The following CPQ variants were observed in gnomAD, a reference collection of about 807,000 sequenced individuals.
CPQ encodes Ser-Met dipeptidase.
Under a neutral mutation model 45.7 loss-of-function variants are expected in CPQ, and 37 were observed. The ratio of observed to expected loss-of-function variants is 0.81; its 90% CI spans 0.62 to 1.07. The LOEUF (loss-of-function observed/expected upper bound fraction) is 1.07. Among genes scored for constraint, CPQ ranks in the 50% least tolerant of loss-of-function variants. CPQ has a pLI of 0.00. For missense variants in CPQ, 537 were observed against 572.9 expected, an observed-to-expected ratio of 0.94 and a Z score of 0.64; for synonymous variants, 186 against 205.8, an observed-to-expected ratio of 0.90 and a Z score of 0.82.
intron 5 of CPQ, among the ~76,000 whole-genome samples, chr8:96,989,467 G>A (rs112128907): frequency 6.4e-5 from 9 of 141,488 alleles, no homozygotes; most frequent in Non-Finnish European, 9.4e-5. Context: ...GGAGCAGAGC[G>A]GAGGGGAGGG....
At chr8:96,999,435 A>G (rs754638581) in intron 5 of CPQ, among the ~76,000 whole-genome samples, 2 of 151,540 alleles carry the variant, frequency 1.3e-5, no homozygotes, top group African/African-American at 2.4e-5. Flanking sequence ...GTTCCCCTCT[A>G]CATGTTCATG....
At chr8:96,984,707 G>A (rs1314908539) in intron 5 of CPQ, among the ~76,000 whole-genome samples, 2 of 152,184 alleles carry the variant, frequency 1.3e-5, no homozygotes, top group Non-Finnish European at 2.9e-5. Flanking sequence ...CTTACTGGCT[G>A]TATTACTTTG....
intron 2 of CPQ, among the ~76,000 whole-genome samples, chr8:96,823,801 G>A (rs1012462435): frequency 7.9e-5 from 12 of 152,030 alleles, no homozygotes; most frequent in African/African-American, 2.9e-4. Flanking sequence ...AGCAGTGCCT[G>A]GCATATTGTA....
intron 7 of CPQ, among the ~76,000 whole-genome samples, chr8:97,136,304 C>T (rs554727835): frequency 2.0e-5 from 3 of 152,180 alleles, no homozygotes; most frequent in African/African-American, 4.8e-5. Context: ...AAAAAGCGAT[C>T]GTCACAACTT....
chr8:96,675,449 A>C (rs111968493), intron 1 of CPQ, among the ~76,000 whole-genome samples: 100 of 152,234 alleles, frequency 6.6e-4, no homozygotes, highest in Admixed American at 1.9e-3. Context: ...CAATACACAT[A>C]GATGTACCAT....
chr8:97,065,988 A>T, intron 6 of CPQ, 21 bp from the exon 7 acceptor site: 1 of 1,608,680 alleles, frequency 6.2e-7, no homozygotes, highest in Non-Finnish European at 8.5e-7. Context: ...TAAGAACCAA[A>T]CAATTTTCTC....
chr8:96,737,558 G>A (rs1235402191), intron 1 of CPQ, among the ~76,000 whole-genome samples: 2 of 151,760 alleles, frequency 1.3e-5, no homozygotes, highest in Non-Finnish European at 2.9e-5. Context: ...CCTTTTTCAC[G>A]TTTTTCTGCC....
At chr8:96,875,914 G>A (rs1347849480) in intron 3 of CPQ, among the ~76,000 whole-genome samples, 2 of 151,712 alleles carry the variant, frequency 1.3e-5, no homozygotes, top group Non-Finnish European at 2.9e-5. Flanking sequence ...ACAATATTAA[G>A]TATTCTACTT....
chr8:96,786,297 T>C (rs997276202), intron 2 of CPQ, among the ~76,000 whole-genome samples: 1 of 152,148 alleles, frequency 6.6e-6, no homozygotes, highest in African/African-American at 2.4e-5. Context: ...TCATGAATTC[T>C]TTTTTTCATG....
intron 4 of CPQ, among the ~76,000 whole-genome samples, chr8:96,904,775 A>ATAC (rs1812555126): frequency 6.6e-6 from 1 of 152,154 alleles, no homozygotes; most frequent in Non-Finnish European, 1.5e-5. Context: ...ACTTTATGCA[A>ATAC]TACTGCCAGT....
intron 4 of CPQ, among the ~76,000 whole-genome samples, chr8:96,929,407 A>G (rs1034805028): frequency 6.6e-6 from 1 of 152,172 alleles, no homozygotes; most frequent in African/African-American, 2.4e-5. Context: ...TATGCCCATT[A>G]TCTTTTGACT....
chr8:96,802,110 C>T (rs1036931541), intron 2 of CPQ, among the ~76,000 whole-genome samples: 2 of 151,872 alleles, frequency 1.3e-5, no homozygotes, highest in Admixed American at 6.6e-5. Context: ...CTTTCTTTCT[C>T]TTTGTCTCTT....
chr8:96,911,875 C>T (rs949084362), intron 4 of CPQ, among the ~76,000 whole-genome samples: 2 of 152,162 alleles, frequency 1.3e-5, no homozygotes, highest in Non-Finnish European at 2.9e-5. Flanking sequence ...GAAGCAGCAT[C>T]GTTCATAAGG....
At chr8:96,724,525 A>ACACACACACC (rs1040690569) in intron 1 of CPQ, among the ~76,000 whole-genome samples, 45 of 142,798 alleles carry the variant, frequency 3.2e-4, no homozygotes, top group African/African-American at 1.1e-3. Flanking sequence ...ACACACACAC[A>ACACACACACC]CCCCTAGGAA....
chr8:96,723,706 C>G (rs1026382334), intron 1 of CPQ, among the ~76,000 whole-genome samples: 12 of 152,162 alleles, frequency 7.9e-5, no homozygotes, highest in African/African-American at 2.9e-4. Context: ...AATTTAGAGA[C>G]CATGTACTCT....
chr8:96,832,994 G>A (rs1201730468), intron 2 of CPQ, among the ~76,000 whole-genome samples: 1 of 152,074 alleles, frequency 6.6e-6, no homozygotes, highest in Non-Finnish European at 1.5e-5. Flanking sequence ...TAGTTCAAAA[G>A]AGAGGTAATG....
chr8:96,676,547 C>A (rs1199098410), intron 1 of CPQ, among the ~76,000 whole-genome samples: 3 of 151,968 alleles, frequency 2.0e-5, no homozygotes, highest in African/African-American at 7.2e-5. Context: ...TTTCTTTATC[C>A]AGTCTTCTGT....
intron 7 of CPQ, among the ~76,000 whole-genome samples, chr8:97,123,148 T>TAAATAAAATAAAATAAAATAAATA (rs1811773575): frequency 4.8e-5 from 1 of 20,632 alleles, no homozygotes; most frequent in African/African-American, 2.5e-4. Context: ...TAAAATAAAA[T>TAAATAAAATAAAATAAAATAAATA]AAATAAAATA....
intron 2 of CPQ, among the ~76,000 whole-genome samples, chr8:96,820,628 G>A (rs1344694453): frequency 6.6e-6 from 1 of 151,932 alleles, no homozygotes; most frequent in Non-Finnish European, 1.5e-5. Flanking sequence ...CTATGTTGCT[G>A]CAAATGACAG....
Sources: allele counts gnomAD v4.1 joint callset (sites outside exome capture counted in the v4.1 genomes callset), GRCh38; gene constraint gnomAD v4.1.1; transcripts MANE v1.5; gene names NCBI Gene and HGNC (gene_info 2026-07-23, HGNC 2026-07-21).